ASNS: variants seen among roughly 807,000 people sequenced by gnomAD.
The protein encoded by ASNS is asparagine synthetase [glutamine-hydrolyzing].
In ASNS, 37 loss-of-function variants were observed where a neutral mutation model predicts 62.6. That is an observed-to-expected ratio of 0.59 (90% CI 0.45 to 0.78). The LOEUF (loss-of-function observed/expected upper bound fraction) is 0.78, where lower values mean the gene tolerates loss of function less well. Among genes scored for constraint, ASNS ranks in the 30% least tolerant of loss-of-function variants. ASNS has a pLI of 0.00. For synonymous variants in ASNS, 207 were observed against 237.9 expected (o/e 0.87, Z 1.19); for missense variants, 520 against 682.4 (o/e 0.76, Z 2.65).
the ASNS span, among the ~76,000 whole-genome samples, chr7:97,921,943 C>G: frequency 2.0e-5 from 3 of 152,172 alleles, no homozygotes; most frequent in South Asian, 6.2e-4. Flanking sequence ...ACTATTCAGC[C>G]TTCAAAAAGA....
the ASNS span, among the ~76,000 whole-genome samples, chr7:97,881,479 T>C: frequency 6.6e-6 from 1 of 151,758 alleles, no homozygotes; most frequent in Admixed American, 6.6e-5. Flanking sequence ...TCTGCCTCTA[T>C]AGATTTGCCT....
chr7:97,888,291 A>G, the ASNS span, among the ~76,000 whole-genome samples: 74 of 151,936 alleles, frequency 4.9e-4, no homozygotes, highest in African/African-American at 1.7e-3. Flanking sequence ...CTTTTTAAAT[A>G]GAAACCTTAT....
At chr7:97,921,248 G>C in the ASNS span, among the ~76,000 whole-genome samples, 5 of 152,140 alleles carry the variant, frequency 3.3e-5, no homozygotes, top group South Asian at 1.0e-3. Flanking sequence ...CGTCAGGGTG[G>C]TACAAAGTAC....
intron 4 of ASNS, among the ~76,000 whole-genome samples, chr7:97,860,652 AAG>A (rs1260736756): frequency 6.6e-6 from 1 of 152,202 alleles, no homozygotes; most frequent in African/African-American, 2.4e-5. Flanking sequence ...TTAAGTGAGA[AAG>A]AATTTAAAGA....
At chr7:97,895,434 A>G in the ASNS span, among the ~76,000 whole-genome samples, 1 of 152,248 alleles carries the variant, frequency 6.6e-6, no homozygotes, top group Admixed American at 6.5e-5. Context: ...AAATTGTCTC[A>G]CTTTGCAAAT....
upstream of ASNS, among the ~76,000 whole-genome samples, chr7:97,874,010 G>A (rs1207014110): frequency 6.6e-6 from 1 of 152,146 alleles, no homozygotes; most frequent in African/African-American, 2.4e-5. Flanking sequence ...AGATCAACCG[G>A]TCTGACCAAA....
chr7:97,896,414 C>A, the ASNS span, among the ~76,000 whole-genome samples: 1 of 150,358 alleles, frequency 6.7e-6, no homozygotes, highest in East Asian at 2.0e-4. Context: ...CGGTGAAACC[C>A]CGTCTCTACT....
chr7:97,904,653 C>G, the ASNS span, among the ~76,000 whole-genome samples: 3 of 152,038 alleles, frequency 2.0e-5, no homozygotes, highest in African/African-American at 7.3e-5. Context: ...TCCCCTCCCC[C>G]ACCACAGGGC....
At chr7:97,922,543 TA>T in the ASNS span, among the ~76,000 whole-genome samples, 6,722 of 151,800 alleles carry the variant, frequency 0.044, 503 homozygotes, top group African/African-American at 0.15. Flanking sequence ...AATAACAACA[TA>T]ACATACACTT....
chr7:97,852,502 T>C (rs1417215166), intron 12 of ASNS, 34 bp from the exon 13 acceptor site: 1 of 1,590,842 alleles, frequency 6.3e-7, no homozygotes, highest in Non-Finnish European at 8.6e-7. Context: ...CAAAATGGCT[T>C]AAAATGGCAG....
At chr7:97,897,129 G>A in the ASNS span, among the ~76,000 whole-genome samples, 1 of 152,078 alleles carries the variant, frequency 6.6e-6, no homozygotes, top group Non-Finnish European at 1.5e-5. Context: ...ACACTTAAAA[G>A]TACAAGCAAC....
At chr7:97,907,668 C>T in the ASNS span, among the ~76,000 whole-genome samples, 4 of 151,612 alleles carry the variant, frequency 2.6e-5, no homozygotes, top group African/African-American at 9.7e-5. Context: ...ACTCGGGAGG[C>T]TGAGGAAGGA....
At chr7:97,857,883 T>C (rs749544430) in intron 7 of ASNS, among the ~76,000 whole-genome samples, 42 of 152,144 alleles carry the variant, frequency 2.8e-4, no homozygotes, top group Non-Finnish European at 5.3e-4. Flanking sequence ...TGGCTAGTTT[T>C]TGTATTTTTT....
At chr7:97,882,766 T>G in the ASNS span, among the ~76,000 whole-genome samples, 12 of 151,874 alleles carry the variant, frequency 7.9e-5, no homozygotes, top group African/African-American at 2.9e-4. Flanking sequence ...AAAATAAGGT[T>G]GTGTCACTCA....
chr7:97,891,951 G>T, the ASNS span, among the ~76,000 whole-genome samples: 19 of 144,750 alleles, frequency 1.3e-4, no homozygotes, highest in East Asian at 1.7e-3. Flanking sequence ...AGGTGGCGCT[G>T]CAGTAGGGAC....
rs910711922 is a variant in ASNS, at chr7:97,852,081, T to C, written c.*178A>G. Reference sequence around the variant, plus strand: ...TGTGATACAGCAAAACAGTTCTAGTTACCTCTTATGAAGAGACTGCATGAA... The same window carrying C: ...TGTGATACAGCAAAACAGTTCTAGTCACCTCTTATGAAGAGACTGCATGAA... On this transcript the variant is annotated 3_prime_UTR_variant, in exon 13 of 13. Transcript: ENST00000394308. 8 of 671,470 alleles carry C rather than the reference T, an allele frequency of 1.2e-5. No homozygotes were observed. Among genetic ancestry groups the C allele is most frequent in the Middle Eastern group, 4.2e-4 (1 of 2,402 alleles). 41.6% of individuals were successfully genotyped at this position (671,470 alleles called of 1,614,324 possible).
the ASNS span, among the ~76,000 whole-genome samples, chr7:97,902,978 G>A: frequency 1.3e-5 from 2 of 152,070 alleles, no homozygotes; most frequent in African/African-American, 4.8e-5. Context: ...TGTCTACTTG[G>A]GGGGAGTTGT....
At chr7:97,863,963 G>A (rs780887839) in intron 4 of ASNS, 4 of 278,118 alleles carry the variant, frequency 1.4e-5, no homozygotes, top group South Asian at 8.1e-5. Context: ...TCAACCCTAC[G>A]ATTATAGTAT....
chr7:97,927,997 A>T, the ASNS span: 1 of 773,488 alleles, frequency 1.3e-6, no homozygotes, highest in Non-Finnish European at 2.1e-6. Flanking sequence ...GGGGCAGGCC[A>T]CGGAGCCTCC....
Sources: gnomAD v4.1 joint callset for allele counts (sites outside exome capture counted in the v4.1 genomes callset) on GRCh38, gnomAD v4.1.1 for gene constraint, MANE v1.5 for transcripts, NCBI Gene and HGNC (gene_info 2026-07-23, HGNC 2026-07-21) for gene names.